The following ALK variants were observed in gnomAD, a reference collection of about 807,000 sequenced individuals.
ALK encodes ALK receptor tyrosine kinase, also known as ALK tyrosine kinase receptor.
In ALK, 74 loss-of-function variants were observed where a neutral mutation model predicts 163.1. The observed-to-expected ratio is 0.45, with a 90% CI of 0.38 to 0.55. The LOEUF is 0.55. Ranked by LOEUF, ALK falls within the 20% of genes least tolerant of loss-of-function variation. ALK has a pLI of 0.00. For synonymous variants in ALK, 960 were observed against 843.2 expected (o/e 1.14, Z -2.40); for missense variants, 2,063 against 2,105.3 (o/e 0.98, Z 0.39).
chr2:29,448,182 T>C (rs1337974434), intron 4 of ALK, among the ~76,000 whole-genome samples: 2 of 152,200 alleles, frequency 1.3e-5, no homozygotes, highest in Non-Finnish European at 2.9e-5. Flanking sequence ...ATCAAATCTC[T>C]AACAAAGAGA....
intron 4 of ALK, among the ~76,000 whole-genome samples, chr2:29,450,449 C>G (rs1670792693): frequency 2.0e-5 from 3 of 152,032 alleles, no homozygotes; most frequent in Admixed American, 2.0e-4. Flanking sequence ...GAAGTGACTG[C>G]AACAAGGTCT....
At chr2:29,333,580 A>G (rs1370444010) in intron 5 of ALK, among the ~76,000 whole-genome samples, 1 of 152,144 alleles carries the variant, frequency 6.6e-6, no homozygotes, top group Admixed American at 6.5e-5. Flanking sequence ...CCAGTATTTT[A>G]TGTATATTTT....
intron 7 of ALK, among the ~76,000 whole-genome samples, chr2:29,320,262 G>A (rs879038430): frequency 6.6e-6 from 1 of 152,192 alleles, no homozygotes; most frequent in African/African-American, 2.4e-5. Flanking sequence ...TAAATCAGGG[G>A]TGAGGTAGGG....
intron 4 of ALK, among the ~76,000 whole-genome samples, chr2:29,529,668 T>C (rs1558369174): frequency 6.6e-6 from 1 of 152,246 alleles, no homozygotes; most frequent in Non-Finnish European, 1.5e-5. Context: ...TGCGCTGCAG[T>C]GGATGGTCCA....
chr2:29,538,116 T>C (rs1673308890), intron 3 of ALK, among the ~76,000 whole-genome samples: 1 of 152,190 alleles, frequency 6.6e-6, no homozygotes, highest in African/African-American at 2.4e-5. Flanking sequence ...GTGTTAATAT[T>C]GGAATGAGTT....
chr2:29,850,425 A>G (rs1245741390), intron 1 of ALK, among the ~76,000 whole-genome samples: 1 of 151,836 alleles, frequency 6.6e-6, no homozygotes, highest in Non-Finnish European at 1.5e-5. Flanking sequence ...TATGCACTTA[A>G]GGTTTATGTA....
intron 1 of ALK, among the ~76,000 whole-genome samples, chr2:29,810,003 G>T (rs766348668): frequency 6.6e-6 from 1 of 152,234 alleles, no homozygotes; most frequent in Non-Finnish European, 1.5e-5. Context: ...TGAGTCTAAT[G>T]ACTATATATG....
chr2:29,515,450 T>G (rs1369650077), intron 4 of ALK, among the ~76,000 whole-genome samples: 4 of 152,030 alleles, frequency 2.6e-5, no homozygotes, highest in Non-Finnish European at 5.9e-5. Context: ...CGTATTGAAA[T>G]AAGTATTTAA....
At chr2:29,710,618 C>T (rs1490347096) in intron 2 of ALK, among the ~76,000 whole-genome samples, 5 of 151,968 alleles carry the variant, frequency 3.3e-5, no homozygotes, top group African/African-American at 4.8e-5. Flanking sequence ...CAGGTTCAAA[C>T]GATTCTCCTA....
At chr2:29,715,774 T>C (rs907007166) in intron 2 of ALK, among the ~76,000 whole-genome samples, 1 of 152,202 alleles carries the variant, frequency 6.6e-6, no homozygotes, top group Non-Finnish European at 1.5e-5. Flanking sequence ...AAGATCCAGA[T>C]TTCAATTATT....
chr2:29,489,650 A>G (rs1180767620), intron 4 of ALK, among the ~76,000 whole-genome samples: 1 of 152,208 alleles, frequency 6.6e-6, no homozygotes, highest in Non-Finnish European at 1.5e-5. Flanking sequence ...CAAATAGCAA[A>G]GCATGAAAAA....
intron 4 of ALK, among the ~76,000 whole-genome samples, chr2:29,466,011 T>C (rs1671202027): frequency 6.6e-6 from 1 of 152,188 alleles, no homozygotes; most frequent in African/African-American, 2.4e-5. Flanking sequence ...TCATATTATT[T>C]GAAGGCAGCT....
intron 1 of ALK, among the ~76,000 whole-genome samples, chr2:29,767,850 G>A (rs966834954): frequency 6.6e-6 from 1 of 152,194 alleles, no homozygotes; most frequent in Non-Finnish European, 1.5e-5. Context: ...TGTCAACAGG[G>A]ATGTCAAACA....
rs189515786 is a variant in ALK at position 29,566,319 on chromosome 2, T to C, written c.953-34203A>G. Among the ~76,000 whole-genome samples the C allele has an allele frequency of 3.1e-3, 472 of 152,360 alleles. 1 individual carries two copies. The highest frequency in any genetic ancestry group is 0.01 in the African/African-American group (435 of 41,586). On this transcript the variant is annotated intron_variant, in intron 3 of 28. Coordinates refer to ENST00000389048, the MANE Select transcript of ALK (RefSeq NM_004304.5). ...TGCCAGAACTTCCAGGAGGGGCTGCTAGCCTGCCTCATTTTATTTAAGATG... is the reference window on the plus strand; with the variant it reads ...TGCCAGAACTTCCAGGAGGGGCTGCCAGCCTGCCTCATTTTATTTAAGATG...
intron 1 of ALK, among the ~76,000 whole-genome samples, chr2:29,832,777 A>C (rs1316738805): frequency 6.6e-6 from 1 of 152,228 alleles, no homozygotes; most frequent in East Asian, 1.9e-4. Flanking sequence ...GGCACTGCCC[A>C]TCTTCATGGG....
chr2:29,386,279 A>G (rs1358269096), intron 4 of ALK, among the ~76,000 whole-genome samples: 1 of 152,238 alleles, frequency 6.6e-6, no homozygotes, highest in Admixed American at 6.5e-5. Context: ...ATGCTGTAGA[A>G]GGGATTATTG....
chr2:29,454,589 T>C (rs1177486785), intron 4 of ALK, among the ~76,000 whole-genome samples: 1 of 152,174 alleles, frequency 6.6e-6, no homozygotes, highest in Non-Finnish European at 1.5e-5. Context: ...GCTCAAAATT[T>C]GGGGTGTCTT....
chr2:29,832,153 G>T (rs1253516750), intron 1 of ALK, among the ~76,000 whole-genome samples: 2 of 152,178 alleles, frequency 1.3e-5, no homozygotes, highest in Non-Finnish European at 2.9e-5. Context: ...TCAACATCAT[G>T]GAGAAACTGG....
chr2:29,914,228 G>A (rs528835668), intron 1 of ALK, among the ~76,000 whole-genome samples: 2 of 152,246 alleles, frequency 1.3e-5, no homozygotes, highest in South Asian at 2.1e-4. Flanking sequence ...TGAGAAAGTC[G>A]CCTTCCATGG....
Sources: allele counts gnomAD v4.1 joint callset (sites outside exome capture counted in the v4.1 genomes callset), GRCh38; gene constraint gnomAD v4.1.1; transcripts MANE v1.5; gene names NCBI Gene and HGNC (gene_info 2026-07-23, HGNC 2026-07-21).